ANXA6: variants seen among roughly 807,000 people sequenced by gnomAD.
ANXA6 encodes the protein 67 kDa calelectrin.
In ANXA6, 71 loss-of-function variants were observed where a neutral mutation model predicts 95.4. The observed-to-expected ratio is 0.74, with a 90% CI of 0.61 to 0.91. The LOEUF (loss-of-function observed/expected upper bound fraction) is 0.91. Ranked by LOEUF, ANXA6 falls within the 40% of genes least tolerant of loss-of-function variation. The pLI, the probability that ANXA6 is intolerant of heterozygous loss-of-function variation, is 0.00. For missense variants in ANXA6, 830 were observed against 876.4 expected, an observed-to-expected ratio of 0.95 and a Z score of 0.67; for synonymous variants, 289 against 315.9, an observed-to-expected ratio of 0.91 and a Z score of 0.90.
chr5:151,118,171 G>A (rs761996608), intron 18 of ANXA6, among the ~76,000 whole-genome samples: 12 of 151,910 alleles, frequency 7.9e-5, no homozygotes, highest in Non-Finnish European at 1.8e-4. Context: ...CATGGCAGTT[G>A]CTAAACCCAA....
At chr5:151,138,415 G>A (rs35144462) in intron 5 of ANXA6, among the ~76,000 whole-genome samples, 34,786 of 151,980 alleles carry the variant, frequency 0.23, 4,373 homozygotes, top group South Asian at 0.47. Flanking sequence ...CAGGAGTGTT[G>A]GACACAATTT....
Position 151,109,818 on chromosome 5 carries a change from T to C in ANXA6, c.1619A>G (p.Lys540Arg). Residue 540 changes from lysine to arginine, a missense_variant, in exon 22 of 26, where the codon AAA (lysine) becomes AGA (arginine). Transcript: ENST00000354546. ...CATGAAACGTGTCTCCAAGGAAGTT[T>C]TGTCTCCACTAGGTGTGTCTGCTAT... ...LEIADTPSGD[K>R]TSLETRFMTI... The C allele has an allele frequency of 1.2e-6, 2 of 1,610,526 alleles. No individual in the cohort carries two copies. The highest frequency in any genetic ancestry group is 1.3e-5 in the African/African-American group (1 of 74,952).
intron 25 of ANXA6, 95 bp downstream of exon 25, chr5:151,103,475 A>C: frequency 7.7e-7 from 1 of 1,301,790 alleles, no homozygotes; most frequent in South Asian, 1.6e-5. Context: ...GCGGTAACCC[A>C]CTGGAAAAAA....
intron 5 of ANXA6, among the ~76,000 whole-genome samples, chr5:151,138,306 G>T (rs1015760476): frequency 6.6e-6 from 1 of 152,086 alleles, no homozygotes; most frequent in African/African-American, 2.4e-5. Flanking sequence ...TCCTCTCTGG[G>T]CTTTGGGGCT....
chr5:151,104,547 G>A (rs905470587), intron 24 of ANXA6, among the ~76,000 whole-genome samples: 3 of 152,246 alleles, frequency 2.0e-5, no homozygotes, highest in Admixed American at 2.0e-4. Context: ...AGGGTCAGCT[G>A]TGGTCAGAGA....
At position 151,122,830 on chromosome 5, in the gene ANXA6, A is replaced by T. The variant is rs1765207575; in HGVS notation, c.1233+87T>A. 3 of 1,208,326 alleles carry T rather than the reference A, an allele frequency of 2.5e-6. No homozygotes were observed. The East Asian group carries it at 7.0e-5, about 28-fold the overall frequency. 74.9% of individuals were successfully genotyped at this position (1,208,326 alleles called of 1,614,324 possible). On this transcript the variant is annotated intron_variant, in intron 16 of 25. Transcript: ENST00000354546. ...CTCTGCCATGAAGACCCTGGTGCCC[A>T]ACTGTGCAGAACCGATGGGGACAGG...
Position 151,108,481 on chromosome 5 carries a change from T to A in ANXA6, c.1754A>T (p.Asp585Val), listed in dbSNP as rs1764760536. Residue 585 changes from aspartate to valine, a missense_variant, in exon 23 of 26, where the codon GAT becomes GTT. Transcript: ENST00000354546. ...AATGGCCACAAATGCATCCCTGACA[T>A]CCCCAGACATCTCCTTCTTGATGGT... is the stretch of plus-strand genomic sequence containing the variant. The part of the protein sequence containing the change: ...EHTIKKEMSG[D>V]VRDAFVAIVQ... The A allele has an allele frequency of 6.2e-7, 1 of 1,613,882 alleles. No homozygotes were observed. The highest frequency in any genetic ancestry group is 8.5e-7 in the Non-Finnish European group (1 of 1,179,836).
chr5:151,140,284 C>A (rs1248361831), intron 2 of ANXA6, 41 bp from the exon 3 acceptor site: 1 of 1,574,436 alleles, frequency 6.4e-7, no homozygotes, highest in African/African-American at 1.3e-5. Context: ...CAACCCCGGA[C>A]TGAGACCAAG....
At position 151,121,180 on chromosome 5, in the gene ANXA6, G is replaced by A. The variant is rs551822024; in HGVS notation, c.1347+967C>T. On this transcript the variant is annotated intron_variant, in intron 17 of 25. Transcript: ENST00000354546. ...GCCAAAAGCACTACTGGTTTTATGC[G>A]GTTGTCAAGACAGGCTCTAGAGTCA... is the stretch of plus-strand genomic sequence containing the variant. 2.7e-3 allele frequency among the ~76,000 whole-genome samples: 404 copies of A among 152,292 alleles called. 4 individuals are homozygous for A. Among genetic ancestry groups the A allele is most frequent in the African/African-American group, 9.3e-3 (385 of 41,560 alleles).
chr5:151,104,643 G>A (rs377720371), intron 24 of ANXA6, among the ~76,000 whole-genome samples: 4 of 152,332 alleles, frequency 2.6e-5, no homozygotes, highest in South Asian at 4.1e-4. Context: ...GAGGGTCTCA[G>A]GTTCCTTCCT....
chr5:151,105,306 G>C lies in ANXA6; in HGVS notation c.1781-3C>G. The C allele has an allele frequency of 1.2e-6, 2 of 1,613,836 alleles. No individual in the cohort carries two copies. Among genetic ancestry groups the C allele is most frequent in the African/African-American group, 1.3e-5 (1 of 75,042 alleles). On this transcript the variant is annotated splice_polypyrimidine_tract_variant and splice_region_variant and intron_variant, in intron 23 of 25. Coordinates refer to ENST00000354546, the MANE Select transcript of ANXA6 (RefSeq NM_001155.5). ...AGGCTTGTTCTTGACACTTTGAACT[G>C]GTAGGAAGAGCAGAGAGATGCGGGG...
intron 1 of ANXA6, among the ~76,000 whole-genome samples, chr5:151,149,582 G>T (rs558893899): frequency 1.4e-4 from 22 of 152,164 alleles, no homozygotes; most frequent in Non-Finnish European, 2.4e-4. Context: ...CACCTCCCGG[G>T]TTCAAGCGAT....
intron 6 of ANXA6, among the ~76,000 whole-genome samples, chr5:151,136,685 A>G (rs773472349): frequency 1.3e-5 from 2 of 151,902 alleles, no homozygotes; most frequent in Non-Finnish European, 2.9e-5. Context: ...ATACTCCCCA[A>G]CTTCTCATTA....
rs56708608 is a variant in ANXA6, at chr5:151,124,536, T to TGA, written c.1057-171_1057-170dup. ...CAGCAGACAGACCCTGCACGAGAGC[T>TGA]GAGAGAGAGAGAGAGAGAGAGAGAG... On this transcript the variant is annotated intron_variant, in intron 14 of 25. Coordinates refer to ENST00000354546, the MANE Select transcript of ANXA6 (RefSeq NM_001155.5). Among the ~76,000 whole-genome samples, 1,328 of 146,808 alleles carry TGA rather than the reference T, an allele frequency of 9.0e-3. 13 individuals carry two copies. Among genetic ancestry groups the TGA allele is most frequent in the African/African-American group, 0.027 (1,086 of 40,294 alleles).
At position 151,129,446 on chromosome 5, in the gene ANXA6, G is replaced by A. The variant is rs781611897; in HGVS notation, c.879C>T (p.Phe293=). The A allele has an allele frequency of 6.8e-6, 11 of 1,613,460 alleles. No individual in the cohort carries two copies. The highest frequency in any genetic ancestry group is 8.5e-6 in the Non-Finnish European group (10 of 1,179,836). ...AGAGGGACTTCTCATACTTGGTCCG[G>A]AAGATCTCCCGAATGTCGAGCATGT... The part of the protein sequence containing the change: ...ELDMLDIREI[F]RTKYEKSLYS... The change falls in exon 12 of 26, where the codon TTC becomes TTT. Residue 293 remains phenylalanine, a synonymous_variant. Coordinates refer to ENST00000354546, the MANE Select transcript of ANXA6 (RefSeq NM_001155.5).
intron 25 of ANXA6, 21 bp downstream of exon 25, chr5:151,103,549 A>C: frequency 1.2e-6 from 2 of 1,602,000 alleles, no homozygotes; most frequent in Non-Finnish European, 1.7e-6. Flanking sequence ...CTTCCTGCTA[A>C]CCTCTAGCCC....
rs368887606 is a variant in ANXA6 at position 151,108,278 on chromosome 5, C to T, written c.1780+177G>A. 3.3e-5 allele frequency among the ~76,000 whole-genome samples: 5 copies of T among 152,284 alleles called. No individual in the cohort carries two copies. The South Asian group carries it at 6.2e-4, about 19-fold the overall frequency. ...ATTTTCTCACCCTCTCCTGCAGCCT[C>T]GCACAGACCTCATGACATTCCTGCA... On this transcript the variant is annotated intron_variant, in intron 23 of 25. Transcript: ENST00000354546.
At chr5:151,156,347 G>A (rs897565604) in intron 1 of ANXA6, among the ~76,000 whole-genome samples, 1 of 152,210 alleles carries the variant, frequency 6.6e-6, no homozygotes, top group African/African-American at 2.4e-5. Flanking sequence ...AGAAGTCCCA[G>A]CACATCCGGA....
At chr5:151,145,012 C>T (rs1401078563) in intron 2 of ANXA6, among the ~76,000 whole-genome samples, 1 of 152,202 alleles carries the variant, frequency 6.6e-6, no homozygotes, top group Non-Finnish European at 1.5e-5. Context: ...ACCACACAGG[C>T]TTCTCCTCAC....
Sources: gnomAD v4.1 joint callset for allele counts (sites outside exome capture counted in the v4.1 genomes callset) on GRCh38, gnomAD v4.1.1 for gene constraint, MANE v1.5 for transcripts, NCBI Gene and HGNC (gene_info 2026-07-23, HGNC 2026-07-21) for gene names.